The following ZNF502 variants were observed in gnomAD, a reference collection of about 807,000 sequenced individuals.
ZNF502 encodes the protein zinc finger protein 502.
ZNF502 carries 29 observed loss-of-function variants against 43.6 expected under a neutral mutation model. The observed-to-expected ratio is 0.67, with a 90% CI of 0.50 to 0.91. The LOEUF (loss-of-function observed/expected upper bound fraction) is 0.91. Among genes scored for constraint, ZNF502 ranks in the 40% least tolerant of loss-of-function variants. The pLI is 0.00. For missense variants in ZNF502, 591 were observed against 647.2 expected (o/e 0.91, Z 0.94); for synonymous variants, 171 against 207.4 (o/e 0.82, Z 1.51).
chr3:44,714,783 A>G (rs1704102602), intron 1 of ZNF502: 2 of 152,196 alleles, frequency 1.3e-5, no homozygotes, highest in African/African-American at 4.8e-5. Context: ...GAATTAACTC[A>G]TCAAGGATTC....
intron 1 of ZNF502, among the ~76,000 whole-genome samples, chr3:44,718,714 G>A (rs941749644): frequency 6.6e-6 from 1 of 152,086 alleles, no homozygotes; most frequent in Non-Finnish European, 1.5e-5. Context: ...TTTACATTCT[G>A]TAGCACCCCA....
chr3:44,719,594 T>C (rs1575541156), intron 1 of ZNF502, among the ~76,000 whole-genome samples: 7 of 152,338 alleles, frequency 4.6e-5, no homozygotes, highest in Admixed American at 6.5e-5. Flanking sequence ...CAGTTAAATT[T>C]ATTTCTGTTT....
At chr3:44,717,441 C>T (rs1356017930) in intron 1 of ZNF502, among the ~76,000 whole-genome samples, 34 of 102,946 alleles carry the variant, frequency 3.3e-4, no homozygotes, top group South Asian at 1.6e-3. Flanking sequence ...GATGGAGTTT[C>T]GCTCTTGTCG....
chr3:44,720,350 A>T (rs1398699936), intron 2 of ZNF502, 34 bp downstream of exon 2: 2 of 1,602,294 alleles, frequency 1.2e-6, no homozygotes, highest in Non-Finnish European at 8.5e-7. Context: ...TGGGAGAAAT[A>T]GTCAGCCAAT....
At position 44,723,460 on chromosome 3, in the gene ZNF502, G is replaced by C. The variant is rs1704422998; in HGVS notation, c.*1008G>C. On this transcript the variant is annotated 3_prime_UTR_variant, in exon 3 of 3. Coordinates refer to ENST00000436624, the MANE Select transcript of ZNF502 (RefSeq NM_001134442.3). ...TAACAAAATGGTACTTAGTTTGTTG[G>C]TCTTTAGGAGAAAGCATTAGTAATG... The C allele has an allele frequency of 6.6e-6, 1 of 152,226 alleles. No homozygotes were observed. Among genetic ancestry groups the C allele is most frequent in the Non-Finnish European group, 1.5e-5 (1 of 68,042 alleles). The allele number at this position is 152,226 out of a possible 1,614,324, so 9.4% of individuals were successfully genotyped here. A position where few individuals can be genotyped will look rare whatever the true frequency, so the allele number is the denominator to read the frequency against.
chr3:44,717,362 A>G (rs553553852), intron 1 of ZNF502, among the ~76,000 whole-genome samples: 1 of 150,872 alleles, frequency 6.6e-6, no homozygotes, highest in African/African-American at 2.4e-5. Flanking sequence ...TTTTTGAGAC[A>G]GGATCTTGTT....
intron 1 of ZNF502, among the ~76,000 whole-genome samples, chr3:44,719,707 T>C (rs1452415155): frequency 2.0e-5 from 3 of 152,228 alleles, no homozygotes; most frequent in Non-Finnish European, 4.4e-5. Context: ...TGTCTCTAGT[T>C]TGTATCAAGT....
Position 44,722,386 on chromosome 3 carries a change from G to A in ZNF502, c.1569G>A (p.Glu523=), listed in dbSNP as rs758343924. The change falls in exon 3 of 3, where the codon GAG becomes GAA. Residue 523 remains glutamate, a synonymous_variant. Coordinates refer to ENST00000436624, the MANE Select transcript of ZNF502 (RefSeq NM_001134442.3). ...HTGEKPYECI[E]CGKFFRHSSV... is the part of the protein sequence containing the mutation. The stretch of plus-strand genomic sequence containing the variant: ...GTGAGAAGCCTTATGAGTGTATTGA[G>A]TGTGGAAAGTTCTTCAGACATAGTT... 14 of 1,614,070 alleles carry A rather than the reference G, an allele frequency of 8.7e-6. No homozygotes were observed. The South Asian group carries it at 1.5e-4, about 18-fold the overall frequency.
Position 44,721,088 on chromosome 3 carries a change from A to C in ZNF502, c.271A>C (p.Lys91Gln). The change falls in exon 3 of 3, where the codon AAA (lysine) becomes CAA (glutamine). Residue 91 changes from lysine to glutamine, a missense_variant. Coordinates refer to ENST00000436624, the MANE Select transcript of ZNF502 (RefSeq NM_001134442.3). ...TTTTGGGAGAATAACTTTCATCCAC[A>C]AAGAAGCACCCCCTGAAATTATTAG... ...GGFGRITFIH[K>Q]EAPPEIISQG... 6.2e-7 allele frequency: 1 copy of C among 1,614,194 alleles called. No individual in the cohort carries two copies. Among genetic ancestry groups the C allele is most frequent in the Non-Finnish European group, 8.5e-7 (1 of 1,180,024 alleles).
At position 44,720,184 on chromosome 3, in the gene ZNF502, C is replaced by G; in HGVS notation, c.-59-19C>G. The G allele has an allele frequency of 6.6e-7, 1 of 1,518,958 alleles. No homozygotes were observed. Among genetic ancestry groups the G allele is most frequent in the Non-Finnish European group, 9.1e-7 (1 of 1,093,732 alleles). 94.1% of individuals were successfully genotyped at this position (1,518,958 alleles called of 1,614,324 possible). ...AGTAATATTCCCTCCCTCCCTGCAC[C>G]TTTTCTCCCCATGAGCAGGGTTCCC... On this transcript the variant is annotated intron_variant, in intron 1 of 2. Coordinates refer to ENST00000436624, the MANE Select transcript of ZNF502 (RefSeq NM_001134442.3).
In ZNF502 at chr3:44,712,747, G is replaced by C. The variant is rs954640884; in HGVS notation, c.-60+7G>C. On this transcript the variant is annotated splice_region_variant and intron_variant, in intron 1 of 2. Transcript: ENST00000436624. ...AGAGTCCGTGGATCTCACAGTGAGC[G>C]AGTTGGGACCCAGGGAGGGGAAAAG... 6.6e-6 allele frequency: 1 copy of C among 152,306 alleles called. No homozygotes were observed. Among genetic ancestry groups the C allele is most frequent in the African/African-American group, 2.4e-5 (1 of 41,468 alleles). 9.4% of individuals were successfully genotyped at this position (152,306 alleles called of 1,614,324 possible).
intron 1 of ZNF502, among the ~76,000 whole-genome samples, chr3:44,717,893 T>G (rs575547800): frequency 6.6e-6 from 1 of 152,264 alleles, no homozygotes; most frequent in South Asian, 2.1e-4. Context: ...TAAAGTGATC[T>G]TCCCACCTTG....
At chr3:44,712,921 C>G (rs1704057369) in intron 1 of ZNF502, among the ~76,000 whole-genome samples, 181 bp downstream of exon 1, 1 of 152,246 alleles carries the variant, frequency 6.6e-6, no homozygotes, top group Admixed American at 6.5e-5. Flanking sequence ...AGCCTGCAGC[C>G]TCAGCACTGC....
rs1341635061 is a variant in ZNF502 at position 44,722,164 on chromosome 3, CCTCA to C, written c.1352_1355del (p.Thr451SerfsTer3). ...GAAAGGGCTTTAATCAGAACACCTG[CCTCA>C]CTCAGCATATGAGAATTCATACTGG... is the stretch of plus-strand genomic sequence containing the variant. On this transcript the variant is annotated frameshift_variant, in exon 3 of 3. Transcript: ENST00000436624. LOFTEE classifies it high-confidence loss of function. 5.6e-6 allele frequency: 9 copies of C among 1,614,072 alleles called. No homozygotes were observed. Among genetic ancestry groups the C allele is most frequent in the Non-Finnish European group, 6.8e-6 (8 of 1,180,046 alleles).
chr3:44,715,276 ATAT>A (rs1464644454), intron 1 of ZNF502, among the ~76,000 whole-genome samples: 8 of 152,100 alleles, frequency 5.3e-5, no homozygotes, highest in Non-Finnish European at 1.2e-4. Flanking sequence ...CTGTTTTAAC[ATAT>A]TATATTTTCT....
At chr3:44,716,956 T>C (rs79607389) in intron 1 of ZNF502, among the ~76,000 whole-genome samples, 3,732 of 152,334 alleles carry the variant, frequency 0.024, 146 homozygotes, top group African/African-American at 0.083. Flanking sequence ...TATCCCTTGA[T>C]ATATAACTGA....
intron 1 of ZNF502, among the ~76,000 whole-genome samples, chr3:44,716,957 A>G (rs779552662): frequency 6.6e-6 from 1 of 152,198 alleles, no homozygotes; most frequent in Non-Finnish European, 1.5e-5. Flanking sequence ...ATCCCTTGAT[A>G]TATAACTGAA....
rs1456309144 is a variant in ZNF502 at position 44,721,906 on chromosome 3, C to T, written c.1089C>T (p.Ser363=). The change falls in exon 3 of 3, where the codon AGC becomes AGT. Residue 363 remains serine (S), a synonymous_variant. Transcript: ENST00000436624. The part of the protein sequence containing the change: ...CKECGKAFCQ[S]PSLIKHQRIH... ...AATGTGGCAAAGCCTTTTGTCAGAG[C>T]CCATCTCTTATTAAACACCAGCGAA... The T allele has an allele frequency of 1.2e-6, 2 of 1,613,870 alleles. No individual in the cohort carries two copies. The highest frequency in any genetic ancestry group is 2.7e-5 in the African/African-American group (2 of 74,874).
intron 1 of ZNF502, 46 bp from the exon 2 acceptor site, chr3:44,720,157 A>T: frequency 1.7e-6 from 2 of 1,193,906 alleles, no homozygotes; most frequent in African/African-American, 1.5e-5. Flanking sequence ...GTTTACTGGG[A>T]CAGTAATATT....
Sources: allele counts gnomAD v4.1 joint callset (sites outside exome capture counted in the v4.1 genomes callset), GRCh38; gene constraint gnomAD v4.1.1; transcripts MANE v1.5; gene names NCBI Gene and HGNC (gene_info 2026-07-23, HGNC 2026-07-21).